Variants in CDH12 observed in about 807,000 individuals in gnomAD.
The protein encoded by CDH12 is cadherin 12.
In CDH12, 41 loss-of-function variants were observed where a neutral mutation model predicts 74.1. The observed-to-expected ratio is 0.55, with a 90% CI of 0.43 to 0.72. CDH12 has a LOEUF of 0.72. Ranked by LOEUF, CDH12 falls within the 30% of genes least tolerant of loss-of-function variation. The pLI, the probability that CDH12 is intolerant of heterozygous loss-of-function variation, is 0.00. For synonymous variants in CDH12, 399 were observed against 355.0 expected, an observed-to-expected ratio of 1.12 and a Z score of -1.39; for missense variants, 945 against 977.2, an observed-to-expected ratio of 0.97 and a Z score of 0.44.
chr5:22,534,397 A>G (rs549988450), intron 1 of CDH12, among the ~76,000 whole-genome samples: 2 of 152,154 alleles, frequency 1.3e-5, no homozygotes, highest in South Asian at 4.2e-4. Flanking sequence ...TGTTATTCTT[A>G]TGGCTTTGCA....
intron 4 of CDH12, among the ~76,000 whole-genome samples, chr5:22,115,871 T>C (rs961322014): frequency 2.0e-5 from 3 of 151,948 alleles, no homozygotes; most frequent in African/African-American, 7.2e-5. Flanking sequence ...TTTGTATTTT[T>C]AGTGGAGTCG....
intron 1 of CDH12, among the ~76,000 whole-genome samples, chr5:22,554,719 A>C (rs1446432054): frequency 6.6e-6 from 1 of 152,054 alleles, no homozygotes; most frequent in Non-Finnish European, 1.5e-5. Flanking sequence ...TGCTAGCATA[A>C]AGTGACTTAC....
At chr5:21,775,685 C>A (rs537051658) in intron 11 of CDH12, among the ~76,000 whole-genome samples, 16 of 151,950 alleles carry the variant, frequency 1.1e-4, no homozygotes, top group African/African-American at 3.6e-4. Flanking sequence ...TCATATGGAG[C>A]TTCCTATGTG....
At chr5:22,798,419 GT>G (rs560329631) in intron 1 of CDH12, among the ~76,000 whole-genome samples, 4 of 151,942 alleles carry the variant, frequency 2.6e-5, no homozygotes, top group African/African-American at 9.7e-5. Flanking sequence ...AAACAGTGCA[GT>G]TTTTTATTAG....
At chr5:21,887,276 G>T (rs1381104097) in intron 6 of CDH12, among the ~76,000 whole-genome samples, 1 of 151,886 alleles carries the variant, frequency 6.6e-6, no homozygotes, top group Non-Finnish European at 1.5e-5. Context: ...ACACTATTTT[G>T]TATGATTGAT....
Position 21,820,445 on chromosome 5 carries a change from T to C in CDH12, c.815-3313A>G, listed in dbSNP as rs1433907617. Among the ~76,000 whole-genome samples, 5 of 152,130 alleles carry C rather than the reference T, an allele frequency of 3.3e-5. No individual in the cohort carries two copies. The East Asian group carries it at 7.7e-4, about 23-fold the overall frequency. The stretch of plus-strand genomic sequence containing the variant: ...AACATGCACCCCTTCAAAATTAAGA[T>C]AAAAGTAAAGCAATGATTACTTTTT... On this transcript the variant is annotated intron_variant, in intron 8 of 14. Coordinates refer to ENST00000382254, the MANE Select transcript of CDH12 (RefSeq NM_004061.5).
chr5:22,764,653 G>C (rs1242284684), intron 1 of CDH12, among the ~76,000 whole-genome samples: 1 of 151,984 alleles, frequency 6.6e-6, no homozygotes, highest in Admixed American at 6.6e-5. Context: ...AACAATCAAA[G>C]TGAACATCAT....
intron 1 of CDH12, among the ~76,000 whole-genome samples, chr5:22,675,540 T>C (rs1275330458): frequency 1.3e-5 from 2 of 152,124 alleles, no homozygotes; most frequent in African/African-American, 4.8e-5. Flanking sequence ...CTTTGGACTG[T>C]GGACTTTTGA....
At chr5:22,287,656 G>A (rs1405137741) in intron 3 of CDH12, among the ~76,000 whole-genome samples, 1 of 150,690 alleles carries the variant, frequency 6.6e-6, no homozygotes, top group African/African-American at 2.4e-5. Context: ...CTGGGAGGCG[G>A]AGCTTGCAGT....
At chr5:22,378,106 T>C (rs1413127235) in intron 3 of CDH12, among the ~76,000 whole-genome samples, 1 of 152,162 alleles carries the variant, frequency 6.6e-6, no homozygotes, top group Non-Finnish European at 1.5e-5. Context: ...TTAATATCTT[T>C]GGTCTTTGGT....
intron 1 of CDH12, among the ~76,000 whole-genome samples, chr5:22,517,813 T>C (rs911112761): frequency 1.3e-5 from 2 of 152,170 alleles, no homozygotes; most frequent in African/African-American, 4.8e-5. Context: ...GTTTCTCTAT[T>C]CACATTTTAC....
intron 1 of CDH12, among the ~76,000 whole-genome samples, chr5:22,759,198 GA>G (rs983993247): frequency 3.6e-5 from 5 of 139,052 alleles, no homozygotes; most frequent in South Asian, 2.3e-4. Context: ...CGCAGTCTCA[GA>G]AAAAAAAAAC....
chr5:22,574,073 C>CTTTT lies in CDH12; in HGVS notation c.-522-68713_-522-68710dup, dbSNP rs543910610. 4.1e-3 allele frequency among the ~76,000 whole-genome samples: 357 copies of CTTTT among 87,482 alleles called. 2 individuals carry two copies. The highest frequency in any genetic ancestry group is 4.9e-3 in the Non-Finnish European group (230 of 46,694). The allele number at this position is 87,482 out of a possible 152,430, so 57.4% of individuals were successfully genotyped here. A position where few individuals can be genotyped will look rare whatever the true frequency, so the allele number is the denominator to read the frequency against. ...TGGATACTTTTCTCTGTCTCTCTCT[C>CTTTT]TTTTTTTTTTTTTTTTTTTTTTTTG... On this transcript the variant is annotated intron_variant, in intron 1 of 14. Transcript: ENST00000382254.
chr5:22,806,804 C>T (rs1038498654), intron 1 of CDH12, among the ~76,000 whole-genome samples: 5 of 152,012 alleles, frequency 3.3e-5, no homozygotes. Flanking sequence ...ATATCCTTTG[C>T]CTACTTTTTG....
intron 1 of CDH12, among the ~76,000 whole-genome samples, chr5:22,648,307 G>A (rs1461244429): frequency 6.6e-6 from 1 of 151,826 alleles, no homozygotes; most frequent in East Asian, 1.9e-4. Flanking sequence ...GTACAGCCTT[G>A]ACATCCTCAA....
At chr5:22,386,713 G>T (rs1445345396) in intron 3 of CDH12, among the ~76,000 whole-genome samples, 2 of 151,918 alleles carry the variant, frequency 1.3e-5, no homozygotes, top group Admixed American at 6.6e-5. Context: ...CATGAAAGAT[G>T]AATATTTTGT....
intron 1 of CDH12, among the ~76,000 whole-genome samples, chr5:22,531,293 C>T (rs1301797577): frequency 6.6e-6 from 1 of 152,018 alleles, no homozygotes; most frequent in Non-Finnish European, 1.5e-5. Context: ...TTCACAGATG[C>T]CATAATACCA....
chr5:22,134,453 G>C (rs1040336747), intron 4 of CDH12, among the ~76,000 whole-genome samples: 1 of 151,912 alleles, frequency 6.6e-6, no homozygotes, highest in Admixed American at 6.6e-5. Flanking sequence ...GAGTTGAGAA[G>C]AGGAATGTGA....
At chr5:22,233,962 T>G (rs2150376660) in intron 3 of CDH12, among the ~76,000 whole-genome samples, 1 of 152,314 alleles carries the variant, frequency 6.6e-6, no homozygotes, top group Non-Finnish European at 1.5e-5. Flanking sequence ...CTTATTATTA[T>G]GATCAATTTG....
Sources: allele counts gnomAD v4.1 joint callset (sites outside exome capture counted in the v4.1 genomes callset), GRCh38; gene constraint gnomAD v4.1.1; transcripts MANE v1.5; gene names NCBI Gene and HGNC (gene_info 2026-07-23, HGNC 2026-07-21).